The following DAGLA variants were observed in gnomAD, a reference collection of about 807,000 sequenced individuals.
DAGLA encodes diacylglycerol lipase alpha, also known as diacylglycerol lipase-alpha.
Under a neutral mutation model 102.6 loss-of-function variants are expected in DAGLA, and 22 were observed. The observed-to-expected ratio is 0.21, with a 90% CI of 0.15 to 0.31. The LOEUF is 0.31. Ranked by LOEUF, DAGLA falls within the 10% of genes least tolerant of loss-of-function variation. The pLI is 1.00. For missense variants in DAGLA, 927 were observed against 1,446.6 expected (o/e 0.64, Z 5.83); for synonymous variants, 578 against 628.9 (o/e 0.92, Z 1.21).
At chr11:61,680,668 G>T (rs2064933919) in intron 1 of DAGLA, among the ~76,000 whole-genome samples, 164 bp downstream of exon 1, 1 of 151,434 alleles carries the variant, frequency 6.6e-6, no homozygotes, top group African/African-American at 2.4e-5. Flanking sequence ...GGTCTGTGGA[G>T]CCCCTGGCAC....
At chr11:61,718,695 G>C (rs1307936339) in intron 1 of DAGLA, among the ~76,000 whole-genome samples, 2 of 151,938 alleles carry the variant, frequency 1.3e-5, no homozygotes, top group African/African-American at 4.8e-5. Context: ...TCCTTGGAGA[G>C]AGAGTGGGAT....
chr11:61,706,371 T>C (rs1344184947), intron 1 of DAGLA, among the ~76,000 whole-genome samples: 3 of 152,174 alleles, frequency 2.0e-5, no homozygotes, highest in Admixed American at 1.3e-4. Flanking sequence ...TGGCCAGGGC[T>C]CTGCTCCCAG....
intron 9 of DAGLA, among the ~76,000 whole-genome samples, chr11:61,733,129 A>C (rs897604981): frequency 3.3e-5 from 5 of 152,224 alleles, no homozygotes; most frequent in African/African-American, 1.2e-4. Flanking sequence ...AGTAGCTGTC[A>C]CCACCTGCTC....
In DAGLA at chr11:61,712,915, C is replaced by A. The variant is rs113861615; in HGVS notation, c.-44-7197C>A. Among the ~76,000 whole-genome samples, 223 of 152,246 alleles carry A rather than the reference C, an allele frequency of 1.5e-3. 2 individuals carry two copies. Among genetic ancestry groups the A allele is most frequent in the African/African-American group, 5.2e-3 (215 of 41,520 alleles). Reference sequence around the variant, plus strand: ...TAGTTCAAGGAAGCTACTTGAAATCCCAGCTCTGCGATGTCCTCGTGGAGG... The same window carrying A: ...TAGTTCAAGGAAGCTACTTGAAATCACAGCTCTGCGATGTCCTCGTGGAGG... On this transcript the variant is annotated intron_variant, in intron 1 of 19. Transcript: ENST00000257215.
rs771067084 is a variant in DAGLA, at chr11:61,744,454, G to A, written c.3094G>A (p.Ala1032Thr). ...STPTGHGASP[A>T]KQDELVISAR ...CCCCACTGGCCACGGAGCCAGCCCCGCCAAGCAAGATGAGCTGGTCATCTC... is the reference window on the plus strand; with the variant it reads ...CCCCACTGGCCACGGAGCCAGCCCCACCAAGCAAGATGAGCTGGTCATCTC... The change falls in exon 20 of 20, where the codon GCC becomes ACC. Residue 1032 changes from alanine to threonine, a missense_variant. Physicochemically the swap from Ala to Thr is moderately conservative, Grantham distance 58. Transcript: ENST00000257215. 20 of 1,586,896 alleles carry A rather than the reference G, an allele frequency of 1.3e-5. 1 individual carries two copies. The South Asian group carries it at 1.8e-4, about 14-fold the overall frequency.
At chr11:61,698,811 G>A (rs1285003379) in intron 1 of DAGLA, among the ~76,000 whole-genome samples, 1 of 152,216 alleles carries the variant, frequency 6.6e-6, no homozygotes, top group African/African-American at 2.4e-5. Flanking sequence ...TGGGGAGCCC[G>A]GAATGGAGGG....
At chr11:61,738,333 GTGT>G in intron 16 of DAGLA, 126 bp downstream of exon 16, 3 of 749,920 alleles carry the variant, frequency 4.0e-6, no homozygotes, top group Non-Finnish European at 6.5e-6. Flanking sequence ...GGTGTGGCTG[GTGT>G]TGTGGGAACT....
chr11:61,739,710 G>A, intron 17 of DAGLA, 49 bp downstream of exon 17: 1 of 1,576,880 alleles, frequency 6.3e-7, no homozygotes. Context: ...GCCAGGGCAG[G>A]GGCAGTGGAG....
chr11:61,735,441 C>A, intron 10 of DAGLA, 120 bp from the exon 11 acceptor site: 1 of 858,622 alleles, frequency 1.2e-6, no homozygotes, highest in Non-Finnish European at 1.8e-6. Flanking sequence ...TTTCTGGCGG[C>A]AGAGGCTCCG....
intron 5 of DAGLA, 45 bp from the exon 6 acceptor site, chr11:61,725,950 G>A (rs775295064): frequency 1.3e-6 from 2 of 1,564,656 alleles, no homozygotes; most frequent in Non-Finnish European, 1.8e-6. Context: ...AGCTCTTCTG[G>A]TCCAGCCCTC....
chr11:61,689,056 A>T (rs2065005890), intron 1 of DAGLA, among the ~76,000 whole-genome samples: 1 of 152,260 alleles, frequency 6.6e-6, no homozygotes, highest in Non-Finnish European at 1.5e-5. Flanking sequence ...GGCTACTGTT[A>T]GGGGATGTTT....
In DAGLA at chr11:61,744,431, C is replaced by A. The variant is rs552828851; in HGVS notation, c.3071C>A (p.Pro1024His). The part of the protein sequence containing the change: ...LAADKIRTST[P>H]TGHGASPAKQ... ...GCTGACAAGATCCGGACTTCTACCC[C>A]CACTGGCCACGGAGCCAGCCCCGCC... Residue 1024 changes from proline to histidine, a missense_variant, in exon 20 of 20, where the codon CCC becomes CAC. By Grantham distance (77) the Pro-to-His change is moderately conservative. Around this residue, in one of 4 missense-constraint regions of DAGLA, gnomAD observed 434 missense variants for 503.3 expected, o/e 0.86. Coordinates refer to ENST00000257215, the MANE Select transcript of DAGLA (RefSeq NM_006133.3). 1 of 1,603,486 alleles carries A rather than the reference C, an allele frequency of 6.2e-7. No individual in the cohort carries two copies. The highest frequency in any genetic ancestry group is 1.1e-5 in the South Asian group (1 of 90,314).
chr11:61,688,323 A>C (rs1258574877), intron 1 of DAGLA, among the ~76,000 whole-genome samples: 1 of 151,978 alleles, frequency 6.6e-6, no homozygotes, highest in Non-Finnish European at 1.5e-5. Flanking sequence ...TCAAAAAAAA[A>C]AAAAAAAAAA....
chr11:61,706,315 G>T (rs1187459022), intron 1 of DAGLA, among the ~76,000 whole-genome samples: 4 of 152,214 alleles, frequency 2.6e-5, no homozygotes, highest in African/African-American at 2.4e-5. Flanking sequence ...CAGGTCTCAG[G>T]CTGAGCCAAT....
intron 1 of DAGLA, among the ~76,000 whole-genome samples, chr11:61,699,080 G>T (rs572964365): frequency 1.2e-4 from 18 of 152,328 alleles, no homozygotes; most frequent in African/African-American, 4.3e-4. Flanking sequence ...GCCTCCTCTG[G>T]CTGCGTATGG....
intron 1 of DAGLA, among the ~76,000 whole-genome samples, chr11:61,713,071 G>A (rs1342203710): frequency 6.6e-6 from 1 of 152,156 alleles, no homozygotes; most frequent in Non-Finnish European, 1.5e-5. Flanking sequence ...GCTCTCTCCC[G>A]ACTCCACAGC....
chr11:61,740,677 C>T, intron 18 of DAGLA, 85 bp downstream of exon 18: 1 of 1,536,474 alleles, frequency 6.5e-7, no homozygotes, highest in East Asian at 2.3e-5. Flanking sequence ...AGATCACTGC[C>T]CGATTTTACA....
intron 1 of DAGLA, among the ~76,000 whole-genome samples, chr11:61,710,853 A>T (rs1345385593): frequency 6.6e-6 from 1 of 152,164 alleles, no homozygotes; most frequent in Non-Finnish European, 1.5e-5. Flanking sequence ...TATGTGCGTT[A>T]TTTCGTTAAC....
chr11:61,734,822 C>T lies in DAGLA; in HGVS notation c.975-27C>T. ...TTGTTCCCTCGGGGACTCCCTGGCC[C>T]TGAACTCTCTTGTCACCCCACCCTA... On this transcript the variant is annotated intron_variant, in intron 9 of 19. Transcript: ENST00000257215. The surrounding 1 kb of genome is among the most constrained non-coding windows in gnomAD (Gnocchi z 4.2). 6.2e-7 allele frequency: 1 copy of T among 1,602,254 alleles called. No individual in the cohort carries two copies.
Sources: gnomAD v4.1 joint callset for allele counts (sites outside exome capture counted in the v4.1 genomes callset) on GRCh38, gnomAD v4.1.1 for gene constraint, gnomAD v4.1.1 regional missense constraint, Gnocchi (gnomAD v3.1) non-coding constraint, MANE v1.5 for transcripts, NCBI Gene and HGNC (gene_info 2026-07-23, HGNC 2026-07-21) for gene names.